ZNF676: variants seen among roughly 807,000 people sequenced by gnomAD.
ZNF676 encodes the protein zinc finger protein 676.
ZNF676 carries 4 observed loss-of-function variants against 6.0 expected under a neutral mutation model. The ratio of observed to expected loss-of-function variants is 0.67; its 90% CI spans 0.33 to 1.53. The LOEUF is 1.53. Ranked by LOEUF, ZNF676 falls within the 40% of genes most tolerant of loss-of-function variation. The pLI, the probability that ZNF676 is intolerant of heterozygous loss-of-function variation, is 0.06. For synonymous variants in ZNF676, 198 were observed against 223.1 expected (o/e 0.89, Z 1.00); for missense variants, 644 against 679.7 (o/e 0.95, Z 0.58).
At chr19:22,182,830 G>T (rs2023779449) in intron 2 of ZNF676, among the ~76,000 whole-genome samples, 2 of 151,964 alleles carry the variant, frequency 1.3e-5, no homozygotes, top group East Asian at 3.9e-4. Context: ...TTATTTTCTA[G>T]GAAAGATATG....
chr19:22,250,715 CT>C, the ZNF676 span, among the ~76,000 whole-genome samples: 333 of 139,608 alleles, frequency 2.4e-3, no homozygotes, highest in Middle Eastern at 3.8e-3. Context: ...AATGTCATTT[CT>C]TTTTTTTTTT....
intron 1 of ZNF676, among the ~76,000 whole-genome samples, chr19:22,193,415 G>C (rs1264549145): frequency 2.0e-5 from 3 of 152,090 alleles, no homozygotes; most frequent in African/African-American, 4.8e-5. Context: ...GAGATGGATT[G>C]AAATGGGTTC....
chr19:22,223,218 T>TCCAC, the ZNF676 span, among the ~76,000 whole-genome samples: 1 of 152,196 alleles, frequency 6.6e-6, no homozygotes, highest in Non-Finnish European at 1.5e-5. Flanking sequence ...GTTTGCCACC[T>TCCAC]TAGTGGAAGC....
Position 22,193,022 on chromosome 19 carries a change from GT to G in ZNF676, c.123del (p.Glu41AspfsTer19). 6.2e-7 allele frequency: 1 copy of G among 1,605,396 alleles called. No homozygotes were observed. Among genetic ancestry groups the G allele is most frequent in the Non-Finnish European group, 8.5e-7 (1 of 1,176,580 alleles). ...TGTATTCACTCTCACCTACCTGGGGGTTCTTCCACCATCTCATGTCTCTTCA... is the reference window on the plus strand; with the variant it reads ...TGTATTCACTCTCACCTACCTGGGGGTCTTCCACCATCTCATGTCTCTTCA... ...WNMKRHEMVE[E>X]PPVICSHFSQ... On this transcript the variant is annotated frameshift_variant, in exon 2 of 3. Transcript: ENST00000397121. LOFTEE classifies it low-confidence loss of function (END_TRUNC).
the ZNF676 span, among the ~76,000 whole-genome samples, chr19:22,250,599 G>C: frequency 6.6e-6 from 1 of 151,714 alleles, no homozygotes. Context: ...TTGTTTGTTT[G>C]TTTGTTTGTT....
At chr19:22,208,765 A>C (rs865917325) in intron 1 of ZNF676, among the ~76,000 whole-genome samples, 1 of 152,044 alleles carries the variant, frequency 6.6e-6, no homozygotes, top group African/African-American at 2.4e-5. Flanking sequence ...ACAACATGGC[A>C]AAATCCCATC....
intron 2 of ZNF676, among the ~76,000 whole-genome samples, chr19:22,182,593 A>AAAAAAAAAAAAAAAAAACAAAAAAC (rs1356303631): frequency 6.6e-5 from 6 of 90,926 alleles, no homozygotes; most frequent in African/African-American, 2.7e-4. Context: ...TCTAAAAAAA[A>AAAAAAAAAAAAAAAAAACAAAAAAC]AAAAAAAAAG....
chr19:22,234,398 C>G, the ZNF676 span, among the ~76,000 whole-genome samples: 1 of 152,166 alleles, frequency 6.6e-6, no homozygotes, highest in Non-Finnish European at 1.5e-5. Context: ...CCTTCAGAAC[C>G]TGCTCAAGCC....
chr19:22,200,659 C>T (rs1043363529), upstream of ZNF676, among the ~76,000 whole-genome samples: 18 of 151,800 alleles, frequency 1.2e-4, no homozygotes, highest in African/African-American at 4.1e-4. Flanking sequence ...GCCAGGACTA[C>T]AGGCATGAGC....
At chr19:22,246,573 C>G in the ZNF676 span, among the ~76,000 whole-genome samples, 2 of 152,108 alleles carry the variant, frequency 1.3e-5, no homozygotes, top group Admixed American at 6.6e-5. Flanking sequence ...CACAACTACC[C>G]TAGGTGCAAG....
At chr19:22,252,700 T>A in the ZNF676 span, among the ~76,000 whole-genome samples, 1 of 152,184 alleles carries the variant, frequency 6.6e-6, no homozygotes, top group African/African-American at 2.4e-5. Context: ...CTCAGCAATA[T>A]GTCACAATGG....
upstream of ZNF676, among the ~76,000 whole-genome samples, chr19:22,197,156 C>A (rs1330178933): frequency 3.3e-5 from 5 of 151,922 alleles, no homozygotes; most frequent in Admixed American, 6.6e-5. Context: ...AACCCCGTCT[C>A]TACTAAAAAC....
At chr19:22,223,617 GATAAT>G in the ZNF676 span, among the ~76,000 whole-genome samples, 1 of 151,242 alleles carries the variant, frequency 6.6e-6, no homozygotes, top group Non-Finnish European at 1.5e-5. Flanking sequence ...AGACATTTAG[GATAAT>G]ATGTTAGAAT....
At chr19:22,189,106 T>C (rs1192762340) in intron 2 of ZNF676, among the ~76,000 whole-genome samples, 2 of 152,010 alleles carry the variant, frequency 1.3e-5, no homozygotes, top group Non-Finnish European at 2.9e-5. Context: ...CTTCAAATTA[T>C]ACTACAAGGC....
At chr19:22,224,625 A>T in the ZNF676 span, among the ~76,000 whole-genome samples, 1 of 152,162 alleles carries the variant, frequency 6.6e-6, no homozygotes, top group South Asian at 2.1e-4. Context: ...ATAATTCTTC[A>T]TTTAGTTTTT....
At chr19:22,221,806 T>A in the ZNF676 span, among the ~76,000 whole-genome samples, 3 of 152,146 alleles carry the variant, frequency 2.0e-5, no homozygotes, top group Middle Eastern at 3.4e-3. Flanking sequence ...TCTTGAAGAA[T>A]GTTTTATGTG....
In ZNF676 at chr19:22,180,268, G is replaced by A; in HGVS notation, c.1449C>T (p.Gly483=). The A allele has an allele frequency of 6.2e-7, 1 of 1,612,404 alleles. No individual in the cohort carries two copies. The highest frequency in any genetic ancestry group is 1.7e-4 in the Middle Eastern group (1 of 6,058). Residue 483 remains glycine (G), a synonymous_variant, in exon 3 of 3, where the codon GGC becomes GGT. Coordinates refer to ENST00000397121, the MANE Select transcript of ZNF676 (RefSeq NM_001001411.3). ...AEKPYKCEEC[G]KGFSTFSILT... ...GGATTGAGAACGTACTAAAGCCTTT[G>A]CCACATTCTTCACATTTGTAAGGTT...
At chr19:22,234,029 T>C in the ZNF676 span, among the ~76,000 whole-genome samples, 1 of 152,224 alleles carries the variant, frequency 6.6e-6, no homozygotes, top group East Asian at 1.9e-4. Flanking sequence ...AGTCAAACCA[T>C]TGGCTAAAGC....
At chr19:22,204,475 T>C (rs933270050) in intron 1 of ZNF676, among the ~76,000 whole-genome samples, 1 of 152,180 alleles carries the variant, frequency 6.6e-6, no homozygotes, top group Non-Finnish European at 1.5e-5. Context: ...TGAATGCAGG[T>C]TGTCTACAAA....
Sources: allele counts gnomAD v4.1 joint callset (sites outside exome capture counted in the v4.1 genomes callset), GRCh38; gene constraint gnomAD v4.1.1; transcripts MANE v1.5; gene names NCBI Gene and HGNC (gene_info 2026-07-23, HGNC 2026-07-21).